EFCAB11: variants seen among roughly 807,000 people sequenced by gnomAD.
EFCAB11 encodes the protein EF-hand calcium binding domain 11, also known as EF-hand calcium-binding domain-containing protein 11.
A neutral mutation model predicts 23.0 loss-of-function variants in EFCAB11; 14 were observed. The ratio of observed to expected loss-of-function variants is 0.61; its 90% CI spans 0.40 to 0.95. The LOEUF is 0.95. EFCAB11 is among the 40% of genes least tolerant of loss of function. EFCAB11 has a pLI of 0.00. For synonymous variants in EFCAB11, 65 were observed against 66.6 expected (o/e 0.98, Z 0.11); for missense variants, 198 against 195.8 (o/e 1.01, Z -0.07).
rs1286984175 is a variant in EFCAB11, at chr14:89,877,995, T to C, written c.410+53546A>G. Among the ~76,000 whole-genome samples the C allele has an allele frequency of 2.6e-5, 4 of 152,222 alleles. No individual in the cohort carries two copies. The East Asian group carries it at 7.7e-4, about 29-fold the overall frequency. ...AAAAGCCTGATTATTACCACTTTTG[T>C]TCAATTGCTTCCACGTGTGTTATTA... On this transcript the variant is annotated intron_variant, in intron 5 of 5. Coordinates refer to ENST00000316738, the MANE Select transcript of EFCAB11 (RefSeq NM_145231.4).
chr14:89,896,112 G>A (rs189469133), intron 5 of EFCAB11, among the ~76,000 whole-genome samples: 2 of 152,204 alleles, frequency 1.3e-5, no homozygotes, highest in African/African-American at 4.8e-5. Context: ...GCGGCCGGGC[G>A]CGGTGGCTCA....
intron 5 of EFCAB11, among the ~76,000 whole-genome samples, chr14:89,893,258 C>A (rs1478858123): frequency 6.6e-6 from 1 of 152,158 alleles, no homozygotes; most frequent in Non-Finnish European, 1.5e-5. Flanking sequence ...CTTATGTCCT[C>A]AGGCTAAAAT....
chr14:89,947,168 T>C (rs777770492), intron 3 of EFCAB11, among the ~76,000 whole-genome samples: 6 of 152,188 alleles, frequency 3.9e-5, no homozygotes, highest in Non-Finnish European at 8.8e-5. Context: ...GGGTAAAAGG[T>C]ATACCTTACA....
chr14:89,941,457 A>G (rs1318635117), intron 3 of EFCAB11, among the ~76,000 whole-genome samples: 2 of 152,178 alleles, frequency 1.3e-5, no homozygotes, highest in Non-Finnish European at 2.9e-5. Context: ...ATTGGTTAAG[A>G]GGGTGAGCTA....
At chr14:89,924,569 A>T in intron 5 of EFCAB11, 1 of 1,528,212 alleles carries the variant, frequency 6.5e-7, no homozygotes, top group African/African-American at 1.4e-5. Context: ...TGCAGAGAAA[A>T]ATGCCAGCCA....
In EFCAB11 at chr14:89,797,131, ATT is replaced by A; in HGVS notation, c.*110_*111del. ...TACTATGTACCCACAAAAATTAAAA[ATT>A]TTTAAATGTTTAATCACAAGTCTGT... On this transcript the variant is annotated 3_prime_UTR_variant, in exon 6 of 6. Coordinates refer to ENST00000316738, the MANE Select transcript of EFCAB11 (RefSeq NM_145231.4). The A allele has an allele frequency of 9.7e-7, 1 of 1,027,042 alleles. No individual in the cohort carries two copies. Among genetic ancestry groups the A allele is most frequent in the Middle Eastern group, 2.1e-4 (1 of 4,654 alleles). The allele number at this position is 1,027,042 out of a possible 1,614,324, so 63.6% of individuals were successfully genotyped here.
At chr14:89,797,467 G>GT in intron 5 of EFCAB11, 143 bp from the exon 6 acceptor site, 1 of 540,330 alleles carries the variant, frequency 1.9e-6, no homozygotes, top group East Asian at 3.4e-5. Context: ...ATTGATGCCT[G>GT]TTTTTTCATT....
At chr14:89,854,743 G>A (rs1324168096) in intron 5 of EFCAB11, among the ~76,000 whole-genome samples, 1 of 152,096 alleles carries the variant, frequency 6.6e-6, no homozygotes, top group Non-Finnish European at 1.5e-5. Context: ...ATACTGAATG[G>A]AGCTACCATT....
chr14:89,948,206 A>G (rs1254987607), intron 3 of EFCAB11, among the ~76,000 whole-genome samples: 1 of 152,248 alleles, frequency 6.6e-6, no homozygotes, highest in Non-Finnish European at 1.5e-5. Flanking sequence ...AAAAGAACAC[A>G]TACAAATGGC....
At chr14:89,874,728 T>C (rs1888382668) in intron 5 of EFCAB11, among the ~76,000 whole-genome samples, 1 of 152,086 alleles carries the variant, frequency 6.6e-6, no homozygotes, top group African/African-American at 2.4e-5. Context: ...AAACCCCGCC[T>C]CTACTAACAA....
intron 5 of EFCAB11, among the ~76,000 whole-genome samples, chr14:89,870,025 G>T (rs1054253282): frequency 6.6e-6 from 1 of 152,192 alleles, no homozygotes; most frequent in Non-Finnish European, 1.5e-5. Flanking sequence ...CCAGATGGAA[G>T]ACAGAATTAC....
At chr14:89,932,043 A>G (rs1890408421) in intron 4 of EFCAB11, among the ~76,000 whole-genome samples, 1 of 152,176 alleles carries the variant, frequency 6.6e-6, no homozygotes, top group Admixed American at 6.5e-5. Flanking sequence ...GAAGGAAACC[A>G]TAACAGCAGT....
At chr14:89,836,586 T>A in intron 5 of EFCAB11, 1 of 456,702 alleles carries the variant, frequency 2.2e-6, no homozygotes, top group South Asian at 1.5e-5. Context: ...GTGCCATAGA[T>A]GTTCCACATG....
At chr14:89,953,747 T>C (rs183496447) in intron 2 of EFCAB11, among the ~76,000 whole-genome samples, 159 bp downstream of exon 2, 74 of 152,328 alleles carry the variant, frequency 4.9e-4, no homozygotes, top group African/African-American at 1.7e-3. Flanking sequence ...ATCTCTGGGC[T>C]GAGGTGTTAA....
chr14:89,917,821 T>C (rs1889898407), intron 5 of EFCAB11, among the ~76,000 whole-genome samples: 1 of 152,230 alleles, frequency 6.6e-6, no homozygotes, highest in Non-Finnish European at 1.5e-5. Context: ...CTCTCAGCTT[T>C]AACTGTAAAA....
At chr14:89,950,893 C>T (rs1331477693) in intron 2 of EFCAB11, among the ~76,000 whole-genome samples, 1 of 152,106 alleles carries the variant, frequency 6.6e-6, no homozygotes, top group Non-Finnish European at 1.5e-5. Context: ...TTCTTCAAGT[C>T]CCCTCCTACC....
chr14:89,800,428 T>A (rs1399033637), intron 5 of EFCAB11, among the ~76,000 whole-genome samples: 2 of 152,048 alleles, frequency 1.3e-5, no homozygotes, highest in Non-Finnish European at 2.9e-5. Context: ...AATTTAGAGT[T>A]AAGAAGCAGG....
chr14:89,902,302 A>C (rs2140204249), intron 5 of EFCAB11, among the ~76,000 whole-genome samples: 2 of 152,126 alleles, frequency 1.3e-5, no homozygotes, highest in South Asian at 4.2e-4. Flanking sequence ...TCCCCATTCA[A>C]ACGTTTTCTA....
intron 5 of EFCAB11, among the ~76,000 whole-genome samples, chr14:89,904,780 A>C (rs1889445538): frequency 6.6e-6 from 1 of 152,148 alleles, no homozygotes; most frequent in Non-Finnish European, 1.5e-5. Context: ...TCTTCTTTTG[A>C]GAAGTGTCTG....
Sources: gnomAD v4.1 joint callset for allele counts (sites outside exome capture counted in the v4.1 genomes callset) on GRCh38, gnomAD v4.1.1 for gene constraint, MANE v1.5 for transcripts, NCBI Gene and HGNC (gene_info 2026-07-23, HGNC 2026-07-21) for gene names.